TENM1: variants seen among roughly 807,000 people sequenced by gnomAD.
TENM1 encodes teneurin transmembrane protein 1, also known as teneurin-1.
A neutral mutation model predicts 174.8 loss-of-function variants in TENM1; 35 were observed. The ratio of observed to expected loss-of-function variants is 0.20; its 90% CI spans 0.15 to 0.27. The LOEUF (loss-of-function observed/expected upper bound fraction) is 0.27, where lower values mean the gene tolerates loss of function less well. Ranked by LOEUF, TENM1 falls within the 10% of genes least tolerant of loss-of-function variation. The pLI, the probability that TENM1 is intolerant of heterozygous loss-of-function variation, is 1.00. For synonymous variants in TENM1, 781 were observed against 798.7 expected, an observed-to-expected ratio of 0.98 and a Z score of 0.37; for missense variants, 1,633 against 2,130.1, an observed-to-expected ratio of 0.77 and a Z score of 4.59.
At chrX:124,419,325 A>G (rs1603259676) in intron 25 of TENM1, among the ~76,000 whole-genome samples, 1 of 111,902 alleles carries the variant, frequency 8.9e-6, no homozygotes, top group East Asian at 2.8e-4. Flanking sequence ...CAAAATAGTC[A>G]CACTTGGAAC....
intron 11 of TENM1, among the ~76,000 whole-genome samples, chrX:124,588,424 A>G (rs1373068442): frequency 1.8e-5 from 2 of 111,154 alleles, no homozygotes; most frequent in Non-Finnish European, 3.8e-5. Flanking sequence ...CATCATTCTC[A>G]GTAAACTACA....
At chrX:124,755,211 C>G (rs1027916202) in intron 3 of TENM1, among the ~76,000 whole-genome samples, 5 of 108,246 alleles carry the variant, frequency 4.6e-5, no homozygotes, top group Non-Finnish European at 9.5e-5. Context: ...GTCAGCCCTT[C>G]TTGTTGAATT....
At chrX:124,782,950 G>C (rs1195528330) in intron 3 of TENM1, among the ~76,000 whole-genome samples, 1 of 111,900 alleles carries the variant, frequency 8.9e-6, no homozygotes, top group East Asian at 2.8e-4. Flanking sequence ...CTTAAATAAG[G>C]AAAAACAGTT....
chrX:124,538,751 G>A (rs1400431976), intron 15 of TENM1, among the ~76,000 whole-genome samples: 1 of 109,833 alleles, frequency 9.1e-6, no homozygotes, highest in Non-Finnish European at 1.9e-5. Flanking sequence ...GACCTTCTGG[G>A]GTTACTCGTA....
At chrX:124,828,377 C>T (rs1458946689) in intron 3 of TENM1, among the ~76,000 whole-genome samples, 4 of 112,250 alleles carry the variant, frequency 3.6e-5, no homozygotes, top group Admixed American at 9.4e-5. Flanking sequence ...CTATGCTATA[C>T]TCCTAGTATA....
chrX:124,820,412 A>T (rs191764465), intron 3 of TENM1, among the ~76,000 whole-genome samples: 10 of 111,721 alleles, frequency 9.0e-5, no homozygotes, highest in African/African-American at 2.9e-4. Context: ...AGACATGAAA[A>T]TAGCATCCAA....
the TENM1 span, among the ~76,000 whole-genome samples, chrX:124,972,355 T>C: frequency 8.9e-6 from 1 of 112,311 alleles, no homozygotes; most frequent in South Asian, 3.7e-4. Context: ...TTCTTTTTGT[T>C]GATGAATGTT....
intron 4 of TENM1, among the ~76,000 whole-genome samples, chrX:124,715,028 C>T (rs1039034015): frequency 1.2e-4 from 13 of 112,153 alleles, no homozygotes; most frequent in African/African-American, 4.2e-4. Context: ...TCTATTAATG[C>T]AAATGTTCCT....
At chrX:124,599,274 T>C (rs768358369) in intron 11 of TENM1, among the ~76,000 whole-genome samples, 30 of 111,592 alleles carry the variant, frequency 2.7e-4, no homozygotes, top group African/African-American at 9.8e-4. Context: ...CTCTGGGTGT[T>C]TACTCTATTT....
intron 28 of TENM1, among the ~76,000 whole-genome samples, chrX:124,390,016 T>C (rs2060265754): frequency 8.9e-6 from 1 of 111,990 alleles, no homozygotes; most frequent in African/African-American, 3.2e-5. Context: ...GTCAGAAAGT[T>C]ACCAGGACTT....
At chrX:124,845,570 A>C (rs2056590403) in intron 3 of TENM1, among the ~76,000 whole-genome samples, 1 of 111,841 alleles carries the variant, frequency 8.9e-6, no homozygotes, top group Non-Finnish European at 1.9e-5. Context: ...TCCGAGCATC[A>C]GATAAGTCCC....
intron 3 of TENM1, among the ~76,000 whole-genome samples, chrX:124,752,813 C>T (rs2148583315): frequency 9.1e-6 from 1 of 109,874 alleles, no homozygotes; most frequent in South Asian, 4.0e-4. Context: ...AGATATGCAG[C>T]ATTATTTCTG....
chrX:124,403,853 C>T (rs2060429684), intron 27 of TENM1, among the ~76,000 whole-genome samples: 1 of 111,765 alleles, frequency 8.9e-6, no homozygotes, highest in African/African-American at 3.3e-5. Context: ...TACCCTAACT[C>T]ATTCAGATTA....
chrX:124,528,793 A>G (rs1261928921), intron 16 of TENM1, among the ~76,000 whole-genome samples: 2 of 111,293 alleles, frequency 1.8e-5, no homozygotes, highest in Non-Finnish European at 3.8e-5. Flanking sequence ...TATAATTTAT[A>G]CATAAATAAT....
At chrX:124,556,934 G>C (rs1370489490) in intron 14 of TENM1, among the ~76,000 whole-genome samples, 1 of 111,769 alleles carries the variant, frequency 8.9e-6, no homozygotes, top group Non-Finnish European at 1.9e-5. Flanking sequence ...TGCCTTGCTA[G>C]ACCATAAGCT....
At chrX:124,439,561 G>A (rs1482834009) in intron 23 of TENM1, among the ~76,000 whole-genome samples, 1 of 111,558 alleles carries the variant, frequency 9.0e-6, no homozygotes, top group Admixed American at 9.5e-5. Context: ...AGCAGGTTAA[G>A]ACCAGTCTCT....
the TENM1 span, among the ~76,000 whole-genome samples, chrX:125,141,719 A>G: frequency 2.7e-5 from 3 of 111,919 alleles, no homozygotes; most frequent in Non-Finnish European, 5.6e-5. Context: ...AGTGGTATAT[A>G]AACAGCAAAT....
intron 11 of TENM1, among the ~76,000 whole-genome samples, chrX:124,623,241 ATGTGTGAT>A (rs2050560656): frequency 9.1e-6 from 1 of 110,456 alleles, no homozygotes; most frequent in Non-Finnish European, 1.9e-5. Flanking sequence ...GTGTGTGTAT[ATGTGTGAT>A]TGTGTGAGTG....
chrX:124,465,926 A>G (rs768011359), intron 22 of TENM1, among the ~76,000 whole-genome samples: 1 of 111,750 alleles, frequency 8.9e-6, no homozygotes, highest in East Asian at 2.8e-4. Context: ...AAAACTTAAC[A>G]AAACAATAAA....
Sources: allele counts gnomAD v4.1 joint callset (sites outside exome capture counted in the v4.1 genomes callset), GRCh38; gene constraint gnomAD v4.1.1; transcripts MANE v1.5; gene names NCBI Gene and HGNC (gene_info 2026-07-23, HGNC 2026-07-21).